C6orf118: variants seen among roughly 807,000 people sequenced by gnomAD.
C6orf118 encodes uncharacterized protein C6orf118.
A neutral mutation model predicts 50.2 loss-of-function variants in C6orf118; 50 were observed. That is an observed-to-expected ratio of 1.00 (90% confidence interval 0.79 to 1.26). The LOEUF (loss-of-function observed/expected upper bound fraction) is 1.26, where lower values mean the gene tolerates loss of function less well. C6orf118 is among the 50% of genes most tolerant of loss of function. The pLI is 0.00. For synonymous variants in C6orf118, 239 were observed against 230.9 expected, an observed-to-expected ratio of 1.03 and a Z score of -0.32; for missense variants, 641 against 578.7, an observed-to-expected ratio of 1.11 and a Z score of -1.10.
At chr6:165,285,924 C>T (rs1779887203) in intron 7 of C6orf118, among the ~76,000 whole-genome samples, 1 of 151,118 alleles carries the variant, frequency 6.6e-6, no homozygotes, top group Non-Finnish European at 1.5e-5. Flanking sequence ...TAATCAAGAT[C>T]ATGGCAGAAC....
At chr6:165,294,026 C>T (rs1780199531) in intron 5 of C6orf118, among the ~76,000 whole-genome samples, 1 of 151,868 alleles carries the variant, frequency 6.6e-6, no homozygotes, top group Admixed American at 6.6e-5. Context: ...GCGGGCAGAT[C>T]ACGAGGTCAG....
intron 8 of C6orf118, chr6:165,281,365 G>C (rs1259562298): frequency 1.2e-5 from 4 of 342,142 alleles, no homozygotes; most frequent in Non-Finnish European, 1.9e-5. Context: ...TTTAATGTAA[G>C]CATTCATGAG....
At chr6:165,282,781 A>C (rs533334438) in intron 7 of C6orf118, among the ~76,000 whole-genome samples, 1 of 152,098 alleles carries the variant, frequency 6.6e-6, no homozygotes, top group African/African-American at 2.4e-5. Context: ...ATAAATAAGA[A>C]GTAGTTAAAG....
rs1780682744 is a variant in C6orf118 at position 165,305,263 on chromosome 6, T to C, written c.26-2967A>G. ...AATAAATGGTGCTGGGAAAACTGGCTAGCCATATGTAGAAAGCTGAAACTG... is the reference window on the plus strand; with the variant it reads ...AATAAATGGTGCTGGGAAAACTGGCCAGCCATATGTAGAAAGCTGAAACTG... On this transcript the variant is annotated intron_variant, in intron 1 of 8. Coordinates refer to ENST00000230301, the MANE Select transcript of C6orf118 (RefSeq NM_144980.4). Among the ~76,000 whole-genome samples the C allele has an allele frequency of 7.6e-5, 5 of 65,732 alleles. No homozygotes were observed. The South Asian group carries it at 3.6e-3, about 47-fold the overall frequency. The allele number at this position is 65,732 out of a possible 152,430, so 43.1% of individuals were successfully genotyped here. A position where few individuals can be genotyped will look rare whatever the true frequency, so the allele number is the denominator to read the frequency against.
At chr6:165,282,235 A>G (rs574880496) in intron 7 of C6orf118, among the ~76,000 whole-genome samples, 3 of 152,266 alleles carry the variant, frequency 2.0e-5, no homozygotes, top group Admixed American at 6.5e-5. Context: ...CTTTCTCCCA[A>G]ATGCATTTAT....
At chr6:165,281,809 C>A in intron 7 of C6orf118, 116 bp from the exon 8 acceptor site, 1 of 532,514 alleles carries the variant, frequency 1.9e-6, no homozygotes, top group Admixed American at 4.6e-5. Flanking sequence ...TACTCAATAG[C>A]ACATTACTTA....
At chr6:165,290,234 G>T (rs1461329772) in intron 6 of C6orf118, among the ~76,000 whole-genome samples, 167 bp from the exon 7 acceptor site, 7 of 152,094 alleles carry the variant, frequency 4.6e-5, no homozygotes, top group Non-Finnish European at 7.4e-5. Context: ...CAGAATGAGG[G>T]TATTCCTCCT....
intron 1 of C6orf118, 22 bp from the exon 2 acceptor site, chr6:165,302,318 G>A: frequency 6.2e-7 from 1 of 1,602,570 alleles, no homozygotes; most frequent in South Asian, 1.1e-5. Flanking sequence ...AGAAAAGGAG[G>A]CTCTTAGGGA....
intron 7 of C6orf118, among the ~76,000 whole-genome samples, chr6:165,288,790 T>C (rs1170767221): frequency 6.6e-6 from 1 of 151,764 alleles, no homozygotes; most frequent in African/African-American, 2.4e-5. Flanking sequence ...GTCAGGAGGG[T>C]GAAGGGAGGT....
At chr6:165,299,850 A>C (rs1185324206) in intron 3 of C6orf118, among the ~76,000 whole-genome samples, 1 of 152,096 alleles carries the variant, frequency 6.6e-6, no homozygotes, top group African/African-American at 2.4e-5. Context: ...CGCCCAGCTA[A>C]TTTTTGTATT....
Position 165,300,486 on chromosome 6 carries a change from C to A in C6orf118, c.754G>T (p.Glu252Ter). 1 of 1,608,032 alleles carries A rather than the reference C, an allele frequency of 6.2e-7. No individual in the cohort carries two copies. Residue 252 changes from glutamate to a stop codon, truncating the protein, a stop_gained and splice_region_variant, in exon 3 of 9, where the codon GAG becomes TAG. Transcript: ENST00000230301. LOFTEE classifies it high-confidence loss of function. ...CTGCACGTGCAAATTTTCTGGAGCT[C>A]CTGGAGGAAAAACAGAGTCAGCCCA... ...AAGHERKLQQ[E>*]LQKICTCSPQ...
rs1780545634 is a variant in C6orf118 at position 165,301,684 on chromosome 6, T to A, written c.638A>T (p.Asp213Val). The change falls in exon 2 of 9, where the codon GAC becomes GTC. Residue 213 changes from aspartate to valine, a missense_variant. Physicochemically the swap from Asp to Val is radical, Grantham distance 152 (BLOSUM62 -3). Transcript: ENST00000230301. The part of the protein sequence containing the change: ...SSYLAGATSA[D>V]RYRMFLRFQK... ...GAAACGCAGGAACATCCTGTACCTG[T>A]CTGCGCTGGTGGCTCCGGCCAGGTA... The A allele has an allele frequency of 6.2e-7, 1 of 1,614,182 alleles. No individual in the cohort carries two copies. Among genetic ancestry groups the A allele is most frequent in the Middle Eastern group, 1.6e-4 (1 of 6,062 alleles).
At chr6:165,303,083 A>G (rs1780620510) in intron 1 of C6orf118, among the ~76,000 whole-genome samples, 1 of 152,214 alleles carries the variant, frequency 6.6e-6, no homozygotes, top group African/African-American at 2.4e-5. Flanking sequence ...TCTTTCTGGG[A>G]CACTGTGTAC....
intron 6 of C6orf118, 34 bp downstream of exon 6, chr6:165,293,379 C>G: frequency 6.2e-7 from 1 of 1,602,556 alleles, no homozygotes; most frequent in African/African-American, 1.3e-5. Flanking sequence ...CACAGCAAAG[C>G]ACCCATAAGG....
intron 7 of C6orf118, among the ~76,000 whole-genome samples, chr6:165,283,273 G>A (rs1291294267): frequency 1.3e-5 from 2 of 152,176 alleles, no homozygotes; most frequent in African/African-American, 2.4e-5. Flanking sequence ...GGGAGGCAGT[G>A]AGTGATTGTG....
intron 5 of C6orf118, among the ~76,000 whole-genome samples, chr6:165,295,663 G>A (rs1351729569): frequency 2.0e-5 from 3 of 147,616 alleles, no homozygotes; most frequent in Non-Finnish European, 3.0e-5. Flanking sequence ...TTTTTTTTCG[G>A]TGTTGTTTTG....
At chr6:165,301,329 GCA>G (rs1780524652) in intron 2 of C6orf118, among the ~76,000 whole-genome samples, 1 of 150,958 alleles carries the variant, frequency 6.6e-6, no homozygotes, top group Admixed American at 6.6e-5. Context: ...CGAGAGCACT[GCA>G]CAGAGAGCAC....
intron 5 of C6orf118, among the ~76,000 whole-genome samples, chr6:165,294,138 T>A: frequency 6.6e-6 from 1 of 150,706 alleles, no homozygotes; most frequent in South Asian, 2.1e-4. Flanking sequence ...CCCAGCTACT[T>A]GGGAGGCTGA....
At position 165,300,380 on chromosome 6, in the gene C6orf118, A is replaced by G. The variant is rs147175485; in HGVS notation, c.860T>C (p.Leu287Pro). 1.5e-5 allele frequency: 25 copies of G among 1,614,014 alleles called. No individual in the cohort carries two copies. In the African/African-American group the frequency reaches 3.1e-4, roughly 20 times the overall value. The change falls in exon 3 of 9, where the codon CTC (leucine) becomes CCC (proline). Residue 287 changes from leucine (L) to proline (P), a missense_variant. Physicochemically the swap from Leu to Pro is moderately conservative, Grantham distance 98 (BLOSUM62 -3). Coordinates refer to ENST00000230301, the MANE Select transcript of C6orf118 (RefSeq NM_144980.4). ...GTTTCTTACCTTAACTTTTTTCAAG[A>G]GATCACCAAATATCAAAGAACTGTT... The part of the protein sequence containing the change: ...ICNSSLIFGD[L>P]LKKVKDEYEL...
Sources: gnomAD v4.1 joint callset for allele counts (sites outside exome capture counted in the v4.1 genomes callset) on GRCh38, gnomAD v4.1.1 for gene constraint, MANE v1.5 for transcripts, NCBI Gene and HGNC (gene_info 2026-07-23, HGNC 2026-07-21) for gene names.